AAGAB: variants seen among roughly 807,000 people sequenced by gnomAD.
AAGAB encodes alpha and gamma adaptin binding protein, also known as alpha- and gamma-adaptin-binding protein p34.
A neutral mutation model predicts 44.1 loss-of-function variants in AAGAB; 38 were observed. That is an observed-to-expected ratio of 0.86 (90% CI 0.67 to 1.13). The LOEUF is 1.13. AAGAB is among the 50% of genes most tolerant of loss of function. The pLI, the probability that AAGAB is intolerant of heterozygous loss-of-function variation, is 0.00. For missense variants in AAGAB, 450 were observed against 373.8 expected (o/e 1.20, Z -1.68); for synonymous variants, 131 against 131.8 (o/e 0.99, Z 0.04).
At chr15:67,222,953 G>A (rs1012919673) in intron 5 of AAGAB, among the ~76,000 whole-genome samples, 4 of 151,942 alleles carry the variant, frequency 2.6e-5, no homozygotes, top group African/African-American at 9.7e-5. Flanking sequence ...TAAATCCAAG[G>A]GTCAACTCTC....
rs761601718 is a variant in AAGAB, at chr15:67,200,915, A to G, written c.*1906T>C. 6.6e-6 allele frequency: 1 copy of G among 152,398 alleles called. No individual in the cohort carries two copies. The highest frequency in any genetic ancestry group is 1.5e-5 in the Non-Finnish European group (1 of 68,044). 9.4% of individuals were successfully genotyped at this position (152,398 alleles called of 1,614,324 possible). ...TAAATTCTAAAATAGTGAGCTTGAC[A>G]GACTCTTCCACTATTCACTATATAT... On this transcript the variant is annotated 3_prime_UTR_variant, in exon 10 of 10. Coordinates refer to ENST00000261880, the MANE Select transcript of AAGAB (RefSeq NM_024666.5).
At chr15:67,238,215 CTTAAA>C (rs1454029497) in intron 1 of AAGAB, among the ~76,000 whole-genome samples, 1 of 152,086 alleles carries the variant, frequency 6.6e-6, no homozygotes, top group Non-Finnish European at 1.5e-5. Context: ...AATTGTTACT[CTTAAA>C]TTAACAGAAG....
chr15:67,238,299 A>AT (rs953279130), intron 1 of AAGAB, among the ~76,000 whole-genome samples: 1 of 152,192 alleles, frequency 6.6e-6, no homozygotes, highest in Non-Finnish European at 1.5e-5. Flanking sequence ...CTTTCTACTT[A>AT]ATTTCTACCC....
intron 4 of AAGAB, among the ~76,000 whole-genome samples, chr15:67,235,620 T>C (rs913831767): frequency 1.7e-4 from 26 of 152,184 alleles, no homozygotes; most frequent in Non-Finnish European, 3.4e-4. Flanking sequence ...CTTAGGTTAC[T>C]ATGAATTCAA....
intron 5 of AAGAB, chr15:67,226,702 C>T (rs8031500): frequency 0.23 from 34,791 of 151,848 alleles, 4,472 homozygotes; most frequent in East Asian, 0.48. Flanking sequence ...CTATTTTTTT[C>T]CTTTGGTTGC....
chr15:67,253,103 C>A (rs1393506607), intron 1 of AAGAB, among the ~76,000 whole-genome samples: 1 of 152,110 alleles, frequency 6.6e-6, no homozygotes, highest in Non-Finnish European at 1.5e-5. Flanking sequence ...CACAATCTTG[C>A]GAAAATTATC....
At chr15:67,204,352 C>T (rs565993282) in intron 7 of AAGAB, among the ~76,000 whole-genome samples, 2 of 152,216 alleles carry the variant, frequency 1.3e-5, no homozygotes, top group East Asian at 3.9e-4. Flanking sequence ...CTCACAACAT[C>T]GTCATGAGGT....
intron 4 of AAGAB, among the ~76,000 whole-genome samples, chr15:67,233,200 T>C (rs1191767970): frequency 6.6e-6 from 1 of 152,206 alleles, no homozygotes. Flanking sequence ...GATCGATACC[T>C]ATAGAAGAAC....
At chr15:67,253,770 G>C (rs1018379188) in intron 1 of AAGAB, among the ~76,000 whole-genome samples, 16 of 148,706 alleles carry the variant, frequency 1.1e-4, no homozygotes, top group African/African-American at 3.9e-4. Flanking sequence ...AAAAAAAAAA[G>C]AAAAGAAGGA....
intron 4 of AAGAB, among the ~76,000 whole-genome samples, chr15:67,233,324 T>C (rs939108144): frequency 2.0e-5 from 3 of 152,166 alleles, no homozygotes; most frequent in African/African-American, 2.4e-5. Flanking sequence ...ACTATCCTGC[T>C]TCTGGAATTT....
intron 1 of AAGAB, among the ~76,000 whole-genome samples, chr15:67,244,435 T>A (rs961950582): frequency 2.0e-5 from 3 of 152,036 alleles, no homozygotes; most frequent in African/African-American, 7.2e-5. Flanking sequence ...AAATTATATA[T>A]CAATAAGGGA....
intron 5 of AAGAB, among the ~76,000 whole-genome samples, chr15:67,222,240 G>GCACACACA (rs1156310462): frequency 4.5e-4 from 40 of 88,276 alleles, no homozygotes; most frequent in African/African-American, 1.2e-3. Flanking sequence ...ACGCGCGCGC[G>GCACACACA]CGCACACACA....
intron 1 of AAGAB, among the ~76,000 whole-genome samples, chr15:67,241,135 A>T (rs1175564211): frequency 6.6e-6 from 1 of 151,944 alleles, no homozygotes; most frequent in Non-Finnish European, 1.5e-5. Flanking sequence ...TATCCACCTC[A>T]GCCAAAAAAG....
intron 7 of AAGAB, among the ~76,000 whole-genome samples, chr15:67,204,349 C>T (rs939789833): frequency 6.6e-6 from 1 of 152,100 alleles, no homozygotes; most frequent in Non-Finnish European, 1.5e-5. Context: ...ATCCTCACAA[C>T]ATCGTCATGA....
At chr15:67,211,972 T>C (rs558039946) in intron 5 of AAGAB, among the ~76,000 whole-genome samples, 3 of 152,120 alleles carry the variant, frequency 2.0e-5, no homozygotes, top group East Asian at 1.9e-4. Context: ...CTCCGCCTCC[T>C]GGGTTCACAC....
intron 1 of AAGAB, among the ~76,000 whole-genome samples, chr15:67,252,711 T>C (rs2140404174): frequency 6.6e-6 from 1 of 152,276 alleles, no homozygotes; most frequent in East Asian, 1.9e-4. Flanking sequence ...GAAGGAGCAC[T>C]GCTTAAAGGT....
intron 3 of AAGAB, 49 bp from the exon 4 acceptor site, chr15:67,236,117 A>G (rs1391793518): frequency 7.2e-7 from 1 of 1,384,526 alleles, no homozygotes; most frequent in Non-Finnish European, 1.0e-6. Flanking sequence ...AAAATAAAAC[A>G]TGACTATTCC....
intron 7 of AAGAB, among the ~76,000 whole-genome samples, chr15:67,204,764 A>G (rs1420089742): frequency 1.3e-5 from 2 of 152,202 alleles, no homozygotes; most frequent in Non-Finnish European, 2.9e-5. Flanking sequence ...CTTCTTTATT[A>G]AAGTTTGTTT....
chr15:67,208,914 T>C (rs2140345643), intron 6 of AAGAB, among the ~76,000 whole-genome samples: 1 of 152,350 alleles, frequency 6.6e-6, no homozygotes, highest in South Asian at 2.1e-4. Context: ...TTTGTTTGTC[T>C]CATTTAAGAT....
Sources: gnomAD v4.1 joint callset for allele counts (sites outside exome capture counted in the v4.1 genomes callset) on GRCh38, gnomAD v4.1.1 for gene constraint, MANE v1.5 for transcripts, NCBI Gene and HGNC (gene_info 2026-07-23, HGNC 2026-07-21) for gene names.